Variants in RPS6KC1 observed in about 807,000 individuals in gnomAD.
RPS6KC1 encodes the protein ribosomal protein S6 kinase C1.
In RPS6KC1, 54 loss-of-function variants were observed where a neutral mutation model predicts 103.8. That is an observed-to-expected ratio of 0.52 (90% confidence interval 0.42 to 0.65). RPS6KC1 has a LOEUF of 0.65. Ranked by LOEUF, RPS6KC1 falls within the 30% of genes least tolerant of loss-of-function variation. The probability of loss-of-function intolerance (pLI) is 0.00; values close to 1 mark genes in which losing one functional copy is unlikely to be tolerated. For synonymous variants in RPS6KC1, 439 were observed against 438.7 expected (o/e 1.00, Z -0.01); for missense variants, 1,151 against 1,253.8 (o/e 0.92, Z 1.24).
the RPS6KC1 span, among the ~76,000 whole-genome samples, chr1:213,428,511 TTC>T: frequency 1.2e-4 from 8 of 64,066 alleles, no homozygotes; most frequent in Admixed American, 2.0e-4. Context: ...CCTTCCTTCC[TTC>T]CTTCCTCTTT....
chr1:213,305,514 A>G, the RPS6KC1 span, among the ~76,000 whole-genome samples: 6 of 152,216 alleles, frequency 3.9e-5, no homozygotes, highest in African/African-American at 1.4e-4. Flanking sequence ...TTTGAAAAGT[A>G]CAGTGTCAGA....
In RPS6KC1 at chr1:213,051,442, G is replaced by C. The variant is rs1558218701; in HGVS notation, c.38G>C (p.Arg13Pro). 1 of 1,613,604 alleles carries C rather than the reference G, an allele frequency of 6.2e-7. No individual in the cohort carries two copies. Among genetic ancestry groups the C allele is most frequent in the Middle Eastern group, 1.7e-4 (1 of 6,040 alleles). ...CGGGAGCGGAGTGCCGACCTGGCCC[G>C]TTTCTACACTGTCACCGAGCCCCAG... ...SYRERSADLARFYTVTEPQRH... is the reference protein window; with the variant it reads ...SYRERSADLAPFYTVTEPQRH... The change falls in exon 1 of 15, where the codon CGT becomes CCT. Residue 13 changes from arginine (R) to proline (P), a missense_variant. Physicochemically the swap from Arg to Pro is moderately radical, Grantham distance 103. This residue lies in a region of RPS6KC1 where 959 missense variants were observed against 1,006.3 expected (regional missense o/e 0.95). Transcript: ENST00000366960.
the RPS6KC1 span, among the ~76,000 whole-genome samples, chr1:213,674,376 T>A: frequency 2.0e-5 from 3 of 152,230 alleles, no homozygotes; most frequent in Non-Finnish European, 2.9e-5. Context: ...TAAGTGAGAA[T>A]ATATAGTGTT....
chr1:213,463,538 A>G, the RPS6KC1 span, among the ~76,000 whole-genome samples: 12 of 152,122 alleles, frequency 7.9e-5, no homozygotes, highest in Non-Finnish European at 1.5e-5. Context: ...AGCTTGAGAT[A>G]TTCACCAGGA....
the RPS6KC1 span, among the ~76,000 whole-genome samples, chr1:213,601,741 A>G: frequency 2.6e-5 from 4 of 151,932 alleles, no homozygotes; most frequent in East Asian, 5.8e-4. Context: ...TCCTCTCTCT[A>G]TGATTCTTTG....
the RPS6KC1 span, among the ~76,000 whole-genome samples, chr1:213,375,699 G>T: frequency 1.3e-5 from 2 of 152,180 alleles, no homozygotes; most frequent in Non-Finnish European, 2.9e-5. Context: ...AAGGATCTGG[G>T]GTTGTCTGTC....
chr1:213,271,647 C>CCA (rs1573752067), intron 14 of RPS6KC1, among the ~76,000 whole-genome samples: 1 of 151,840 alleles, frequency 6.6e-6, no homozygotes, highest in African/African-American at 2.4e-5. Flanking sequence ...GCCTGTAGTC[C>CCA]CAGCTACACG....
At chr1:213,613,407 G>A in the RPS6KC1 span, among the ~76,000 whole-genome samples, 1 of 152,194 alleles carries the variant, frequency 6.6e-6, no homozygotes, top group Non-Finnish European at 1.5e-5. Flanking sequence ...GTTTCCTGGA[G>A]CAGTGTGCAA....
chr1:213,072,593 TAAGAC>T (rs1159537592), intron 2 of RPS6KC1, among the ~76,000 whole-genome samples: 22 of 152,120 alleles, frequency 1.4e-4, no homozygotes, highest in Non-Finnish European at 2.9e-5. Context: ...TGATGGGTTT[TAAGAC>T]AATTCATTCC....
Position 213,271,461 on chromosome 1 carries a change from A to G in RPS6KC1, c.3091-1063A>G, listed in dbSNP as rs1482620090. 4.6e-5 allele frequency among the ~76,000 whole-genome samples: 7 copies of G among 152,258 alleles called. No individual in the cohort carries two copies. In the East Asian group the frequency reaches 1.3e-3, roughly 29 times the overall value. On this transcript the variant is annotated intron_variant, in intron 14 of 14. Transcript: ENST00000366960. Reference sequence around the variant, plus strand: ...TGTAGATGGCATGAGGAAACTTTTTAGGGTAATCAAAATGTTCTAAAAGGC... The same window carrying G: ...TGTAGATGGCATGAGGAAACTTTTTGGGGTAATCAAAATGTTCTAAAAGGC...
At chr1:213,642,420 C>A in the RPS6KC1 span, among the ~76,000 whole-genome samples, 55 of 152,118 alleles carry the variant, frequency 3.6e-4, no homozygotes, top group Admixed American at 1.1e-3. Flanking sequence ...GACTGAGCAT[C>A]TTTTGTTATT....
At chr1:213,650,979 T>C in the RPS6KC1 span, among the ~76,000 whole-genome samples, 1 of 127,982 alleles carries the variant, frequency 7.8e-6, no homozygotes, top group Non-Finnish European at 1.7e-5. Context: ...AGAAAACGTG[T>C]TGGGGGTGGG....
At chr1:213,116,842 G>T (rs564652943) in intron 4 of RPS6KC1, among the ~76,000 whole-genome samples, 1 of 152,006 alleles carries the variant, frequency 6.6e-6, no homozygotes, top group African/African-American at 2.4e-5. Context: ...GAAATTCTGG[G>T]TTGAAAATTC....
chr1:213,241,077 T>C lies in RPS6KC1; in HGVS notation c.1601T>C (p.Phe534Ser), dbSNP rs766303599. Residue 534 changes from phenylalanine (F) to serine (S), a missense_variant, in exon 11 of 15, where the codon TTC (phenylalanine) becomes TCC (serine). Transcript: ENST00000366960. ...CCAGGGTCTTTGAATGAGGAGCCCTTCATGAAGACTGAAGGGAATGGTGTT... is the reference window on the plus strand; with the variant it reads ...CCAGGGTCTTTGAATGAGGAGCCCTCCATGAAGACTGAAGGGAATGGTGTT... ...IEPGSLNEEP[F>S]MKTEGNGVDT... 102 of 1,613,434 alleles carry C rather than the reference T, an allele frequency of 6.3e-5. No homozygotes were observed. Among genetic ancestry groups the C allele is most frequent in the Non-Finnish European group, 8.6e-5 (101 of 1,179,926 alleles).
the RPS6KC1 span, among the ~76,000 whole-genome samples, chr1:213,529,185 T>C: frequency 6.6e-6 from 1 of 150,626 alleles, no homozygotes; most frequent in African/African-American, 2.5e-5. Context: ...CACAGTGCTT[T>C]AAGAAAAGAT....
rs556005833 is a variant in RPS6KC1 at position 213,134,938 on chromosome 1, C to G, written c.835+5049C>G. 6.8e-3 allele frequency among the ~76,000 whole-genome samples: 1,036 copies of G among 152,246 alleles called. 5 individuals are homozygous for G. Among genetic ancestry groups the G allele is most frequent in the Middle Eastern group, 0.02 (6 of 294 alleles). On this transcript the variant is annotated intron_variant, in intron 6 of 14. Transcript: ENST00000366960. ...TTATTTCTGTTTCTCACCTAATGCT[C>G]TGGCTAGAACTTCCAGTACAATGTA...
the RPS6KC1 span, among the ~76,000 whole-genome samples, chr1:213,362,733 G>T: frequency 6.6e-6 from 1 of 152,230 alleles, no homozygotes; most frequent in African/African-American, 2.4e-5. Context: ...TTCTGTGAGG[G>T]TGTTGTTGGG....
the RPS6KC1 span, among the ~76,000 whole-genome samples, chr1:213,353,004 G>A: frequency 2.0e-5 from 3 of 152,248 alleles, no homozygotes; most frequent in Non-Finnish European, 4.4e-5. Flanking sequence ...AACAATGTGA[G>A]AGGGGAGGGC....
the RPS6KC1 span, among the ~76,000 whole-genome samples, chr1:213,422,423 C>T: frequency 6.6e-6 from 1 of 152,124 alleles, no homozygotes. Context: ...TTTGTTTCCA[C>T]CTTTTGGCTA....
Sources: gnomAD v4.1 joint callset for allele counts (sites outside exome capture counted in the v4.1 genomes callset) on GRCh38, gnomAD v4.1.1 for gene constraint, gnomAD v4.1.1 regional missense constraint, MANE v1.5 for transcripts, NCBI Gene and HGNC (gene_info 2026-07-23, HGNC 2026-07-21) for gene names.